LPCAT2: variants seen among roughly 807,000 people sequenced by gnomAD.
The protein encoded by LPCAT2 is lysophosphatidylcholine acyltransferase 2.
In LPCAT2, 58 loss-of-function variants were observed where a neutral mutation model predicts 64.7. The ratio of observed to expected loss-of-function variants is 0.90; its 90% CI spans 0.73 to 1.12. LPCAT2 has a LOEUF of 1.12. Ranked by LOEUF, LPCAT2 falls within the 50% of genes most tolerant of loss-of-function variation. The probability of loss-of-function intolerance (pLI) is 0.00; values close to 1 mark genes in which losing one functional copy is unlikely to be tolerated. For missense variants in LPCAT2, 579 were observed against 669.8 expected, an observed-to-expected ratio of 0.86 and a Z score of 1.50; for synonymous variants, 252 against 245.3, an observed-to-expected ratio of 1.03 and a Z score of -0.26.
At chr16:55,569,438 AG>A (rs1439748549) in intron 11 of LPCAT2, among the ~76,000 whole-genome samples, 9 of 152,220 alleles carry the variant, frequency 5.9e-5, no homozygotes, top group African/African-American at 2.2e-4. Flanking sequence ...GATGTAGTAA[AG>A]TAGCCAAGAA....
chr16:55,545,631 A>T, intron 8 of LPCAT2, 104 bp from the exon 9 acceptor site: 1 of 736,470 alleles, frequency 1.4e-6, no homozygotes, highest in Non-Finnish European at 2.3e-6. Flanking sequence ...TATGTTCTAG[A>T]AAGGTAGATG....
rs1274250401 is a variant in LPCAT2, at chr16:55,532,850, C to T, written c.730C>T (p.Gln244Ter). ...AGCCTTCATTCCAGGAGTTCCAGTGCAGCCAGTCCTCCTCAGATACCCAAA... is the reference window on the plus strand; with the variant it reads ...AGCCTTCATTCCAGGAGTTCCAGTGTAGCCAGTCCTCCTCAGATACCCAAA... ...PGAFIPGVPV[Q>*]PVLLRYPNKL... The change falls in exon 6 of 14, where the codon CAG becomes TAG. Residue 244 changes from glutamine to a stop codon, truncating the protein, a stop_gained. Transcript: ENST00000262134. LOFTEE classifies it high-confidence loss of function. 1 of 1,611,896 alleles carries T rather than the reference C, an allele frequency of 6.2e-7. No homozygotes were observed. The highest frequency in any genetic ancestry group is 8.5e-7 in the Non-Finnish European group (1 of 1,178,662).
At chr16:55,580,413 A>G (rs1963875656) in intron 13 of LPCAT2, among the ~76,000 whole-genome samples, 1 of 152,216 alleles carries the variant, frequency 6.6e-6, no homozygotes, top group Admixed American at 6.5e-5. Flanking sequence ...AACTACTTCA[A>G]TGGAAGCTAA....
At chr16:55,519,524 G>A (rs1036225994) in intron 1 of LPCAT2, among the ~76,000 whole-genome samples, 141 of 136,484 alleles carry the variant, frequency 1.0e-3, no homozygotes, top group African/African-American at 2.9e-3. Context: ...AAAAAAGAAA[G>A]AAAGAAGAGA....
chr16:55,509,935 T>A (rs1322626485), intron 1 of LPCAT2, among the ~76,000 whole-genome samples: 1 of 149,894 alleles, frequency 6.7e-6, no homozygotes, highest in East Asian at 2.0e-4. Context: ...TCAACTTGAG[T>A]TTATGAGAGT....
chr16:55,520,963 AC>A (rs1963087634), intron 1 of LPCAT2, among the ~76,000 whole-genome samples: 1 of 151,856 alleles, frequency 6.6e-6, no homozygotes, highest in Non-Finnish European at 1.5e-5. Flanking sequence ...CAAATTAAAC[AC>A]AAAGTAAGTC....
intron 11 of LPCAT2, among the ~76,000 whole-genome samples, chr16:55,559,833 T>C (rs1963617127): frequency 6.6e-6 from 1 of 151,914 alleles, no homozygotes; most frequent in East Asian, 1.9e-4. Context: ...TTCAGTTGTA[T>C]AAGCTGCCTT....
chr16:55,579,007 T>C, intron 12 of LPCAT2, 102 bp from the exon 13 acceptor site: 1 of 1,065,084 alleles, frequency 9.4e-7, no homozygotes, highest in Non-Finnish European at 1.4e-6. Context: ...TTCTAGCCCT[T>C]GCCACAGTAG....
At chr16:55,560,001 A>G (rs767929202) in intron 11 of LPCAT2, among the ~76,000 whole-genome samples, 3 of 152,126 alleles carry the variant, frequency 2.0e-5, no homozygotes, top group Non-Finnish European at 2.9e-5. Flanking sequence ...TTGGCTTCTC[A>G]ATGCAAGTAT....
chr16:55,541,990 G>C, intron 8 of LPCAT2: 1 of 1,168,272 alleles, frequency 8.6e-7, no homozygotes, highest in Non-Finnish European at 1.1e-6. Flanking sequence ...ATTATTTTCT[G>C]TTACAAGGAA....
At chr16:55,512,956 C>T (rs1401208580) in intron 1 of LPCAT2, among the ~76,000 whole-genome samples, 1 of 152,210 alleles carries the variant, frequency 6.6e-6, no homozygotes, top group Non-Finnish European at 1.5e-5. Flanking sequence ...TGAATGCAAT[C>T]AGCCAGAATT....
chr16:55,545,914 G>A, intron 9 of LPCAT2, 97 bp downstream of exon 9: 2 of 804,896 alleles, frequency 2.5e-6, no homozygotes, highest in Non-Finnish European at 4.1e-6. Flanking sequence ...GACCCCTGAA[G>A]GCCTCGTTCC....
chr16:55,577,443 AAGT>A (rs1376256125), intron 12 of LPCAT2, among the ~76,000 whole-genome samples: 2 of 152,118 alleles, frequency 1.3e-5, no homozygotes, highest in Non-Finnish European at 2.9e-5. Context: ...TACTACTTGC[AAGT>A]GGTGTGACCT....
At chr16:55,514,891 TGTG>T (rs1224895580) in intron 1 of LPCAT2, among the ~76,000 whole-genome samples, 3 of 17,290 alleles carry the variant, frequency 1.7e-4, no homozygotes, top group Non-Finnish European at 3.9e-4. Flanking sequence ...TGCAATGCAT[TGTG>T]TGTGTGTGTG....
chr16:55,512,197 T>A (rs1432576561), intron 1 of LPCAT2, among the ~76,000 whole-genome samples: 2 of 152,226 alleles, frequency 1.3e-5, no homozygotes, highest in Admixed American at 6.5e-5. Flanking sequence ...ACTGATAGCA[T>A]AAGTTTCATT....
chr16:55,525,432 T>C (rs1963155581), intron 1 of LPCAT2, 76 bp from the exon 2 acceptor site: 45 of 1,355,804 alleles, frequency 3.3e-5, no homozygotes, highest in South Asian at 1.5e-4. Context: ...AAAACTTTCC[T>C]ATTACATGTT....
intron 1 of LPCAT2, among the ~76,000 whole-genome samples, chr16:55,513,458 A>G (rs1962962619): frequency 6.6e-6 from 1 of 152,146 alleles, no homozygotes. Context: ...ATGAGACATC[A>G]GCAAAACTGA....
intron 2 of LPCAT2, among the ~76,000 whole-genome samples, chr16:55,527,169 G>A (rs551262096): frequency 3.3e-5 from 5 of 152,000 alleles, no homozygotes; most frequent in African/African-American, 4.8e-5. Context: ...AAACTTCTTT[G>A]GAACTAGTTG....
chr16:55,532,945 A>G, intron 6 of LPCAT2, 63 bp downstream of exon 6: 2 of 1,334,090 alleles, frequency 1.5e-6, no homozygotes, highest in Non-Finnish European at 2.1e-6. Context: ...ATTCTCTGGG[A>G]CCCCTTTTAA....
Sources: allele counts gnomAD v4.1 joint callset (sites outside exome capture counted in the v4.1 genomes callset), GRCh38; gene constraint gnomAD v4.1.1; transcripts MANE v1.5; gene names NCBI Gene and HGNC (gene_info 2026-07-23, HGNC 2026-07-21).